Variants in KIAA1217 observed in about 807,000 individuals in gnomAD.
The protein encoded by KIAA1217 is sickle tail protein homolog.
Under a neutral mutation model 163.9 loss-of-function variants are expected in KIAA1217, and 88 were observed. That is an observed-to-expected ratio of 0.54 (90% CI 0.45 to 0.64). The LOEUF (loss-of-function observed/expected upper bound fraction) is 0.64, where lower values mean the gene tolerates loss of function less well. KIAA1217 is among the 30% of genes least tolerant of loss of function. The pLI, the probability that KIAA1217 is intolerant of heterozygous loss-of-function variation, is 0.00. For synonymous variants in KIAA1217, 903 were observed against 923.1 expected (o/e 0.98, Z 0.39); for missense variants, 2,372 against 2,475.0 (o/e 0.96, Z 0.88).
At chr10:24,511,542 G>A (rs558828238) in intron 9 of KIAA1217, among the ~76,000 whole-genome samples, 87 of 152,060 alleles carry the variant, frequency 5.7e-4, no homozygotes, top group Admixed American at 1.3e-3. Context: ...AGCTACTTGG[G>A]AGGCTGAGGC....
At chr10:24,112,068 T>C (rs964741640) in intron 2 of KIAA1217, among the ~76,000 whole-genome samples, 2 of 152,182 alleles carry the variant, frequency 1.3e-5, no homozygotes, top group African/African-American at 2.4e-5. Flanking sequence ...CCCAAAGTAC[T>C]GAGATTAGAG....
rs16924778 is a variant in KIAA1217 at position 24,444,954 on chromosome 10, T to C, written c.846+6475T>C. Among the ~76,000 whole-genome samples, 1,260 of 152,322 alleles carry C rather than the reference T, an allele frequency of 8.3e-3. 22 individuals carry two copies. Among genetic ancestry groups the C allele is most frequent in the South Asian group, 0.051 (247 of 4,826 alleles). ...TGCACATTCTACTTTGACTTCTTTT[T>C]TCTGTAAAACTGTAAAAATGTATAG... On this transcript the variant is annotated intron_variant, in intron 5 of 20. Transcript: ENST00000376454.
chr10:23,873,968 C>T (rs970114256), intron 1 of KIAA1217, among the ~76,000 whole-genome samples: 1 of 152,052 alleles, frequency 6.6e-6, no homozygotes, highest in Non-Finnish European at 1.5e-5. Flanking sequence ...ATGCCAAGCA[C>T]ATGGTAAGAA....
intron 3 of KIAA1217, among the ~76,000 whole-genome samples, chr10:24,416,592 C>T (rs1333307128): frequency 1.3e-5 from 2 of 152,172 alleles, no homozygotes; most frequent in South Asian, 2.1e-4. Flanking sequence ...GTGTTCTATC[C>T]TCATACTTTG....
chr10:24,415,105 T>G (rs1014781297), intron 3 of KIAA1217, among the ~76,000 whole-genome samples: 1 of 137,614 alleles, frequency 7.3e-6, no homozygotes, highest in East Asian at 2.1e-4. Context: ...TAGCCTGATC[T>G]CTCTCTTTTT....
chr10:24,484,707 G>A (rs575925192), intron 6 of KIAA1217, among the ~76,000 whole-genome samples: 2 of 152,230 alleles, frequency 1.3e-5, no homozygotes, highest in African/African-American at 2.4e-5. Context: ...GATTACAAGT[G>A]TGAGCCACTG....
intron 2 of KIAA1217, among the ~76,000 whole-genome samples, chr10:24,260,395 C>A (rs2075598322): frequency 6.6e-6 from 1 of 151,990 alleles, no homozygotes; most frequent in African/African-American, 2.4e-5. Context: ...ATCAATTGTG[C>A]CATAATCGAC....
At chr10:23,811,100 C>CTA (rs36116405) in intron 1 of KIAA1217, among the ~76,000 whole-genome samples, 38,333 of 131,796 alleles carry the variant, frequency 0.29, 6,528 homozygotes, top group African/African-American at 0.47. Flanking sequence ...ATTATATATA[C>CTA]TATATATTAT....
chr10:23,804,225 T>C (rs1836629329), intron 1 of KIAA1217, among the ~76,000 whole-genome samples: 1 of 152,206 alleles, frequency 6.6e-6, no homozygotes, highest in East Asian at 1.9e-4. Context: ...ACTATTCAAA[T>C]ATGACTTAAA....
chr10:24,250,208 C>G (rs968675832), intron 2 of KIAA1217, among the ~76,000 whole-genome samples: 4 of 152,074 alleles, frequency 2.6e-5, no homozygotes, highest in African/African-American at 9.7e-5. Context: ...AGAAGAAAGC[C>G]GCATACATAG....
chr10:24,246,891 GC>G (rs2073863941), intron 2 of KIAA1217, among the ~76,000 whole-genome samples: 2 of 151,920 alleles, frequency 1.3e-5, no homozygotes, highest in African/African-American at 4.8e-5. Flanking sequence ...GTGCGCATCT[GC>G]AATTCCAGCT....
chr10:24,160,410 A>G (rs1161482575), intron 2 of KIAA1217, among the ~76,000 whole-genome samples: 2 of 152,214 alleles, frequency 1.3e-5, no homozygotes, highest in East Asian at 1.9e-4. Context: ...GCCATGTTTT[A>G]TACTCTCGGT....
At chr10:23,811,929 T>C (rs1714377868) in intron 1 of KIAA1217, among the ~76,000 whole-genome samples, 1 of 152,012 alleles carries the variant, frequency 6.6e-6, no homozygotes, top group Non-Finnish European at 1.5e-5. Context: ...AAATATTATT[T>C]AACACTTAAG....
At chr10:23,729,323 A>G (rs1010124762) in intron 1 of KIAA1217, among the ~76,000 whole-genome samples, 3 of 152,184 alleles carry the variant, frequency 2.0e-5, no homozygotes, top group African/African-American at 7.2e-5. Context: ...AAGGGGCATG[A>G]TTGCTGGATC....
intron 2 of KIAA1217, among the ~76,000 whole-genome samples, chr10:24,036,523 T>C (rs1460600971): frequency 1.3e-5 from 2 of 152,200 alleles, no homozygotes; most frequent in Non-Finnish European, 2.9e-5. Flanking sequence ...GGGTAATTTA[T>C]AAAGAAAAGA....
intron 1 of KIAA1217, among the ~76,000 whole-genome samples, chr10:23,703,076 G>T (rs1836589290): frequency 6.6e-6 from 1 of 152,018 alleles, no homozygotes; most frequent in Non-Finnish European, 1.5e-5. Context: ...CCCTAGTGGC[G>T]ATTAGAACAT....
chr10:24,066,398 A>C (rs542867339), intron 2 of KIAA1217, among the ~76,000 whole-genome samples: 1 of 152,152 alleles, frequency 6.6e-6, no homozygotes, highest in Non-Finnish European at 1.5e-5. Context: ...TCCTGCACTT[A>C]TGAAGCTTAG....
In KIAA1217 at chr10:23,742,761, G is replaced by C. The variant is rs78339313; in HGVS notation, c.-321+47527G>C. On this transcript the variant is annotated intron_variant, in intron 1 of 18. Transcript: ENST00000376462. ...TTACAATTCAGCATGAGATTTGGGTGAGGACAAATATCCAAACTGTATCAG... is the reference window on the plus strand; with the variant it reads ...TTACAATTCAGCATGAGATTTGGGTCAGGACAAATATCCAAACTGTATCAG... 7.6e-3 allele frequency among the ~76,000 whole-genome samples: 1,162 copies of C among 152,314 alleles called. 16 individuals are homozygous for C. Among genetic ancestry groups the C allele is most frequent in the African/African-American group, 0.027 (1,104 of 41,566 alleles).
intron 2 of KIAA1217, among the ~76,000 whole-genome samples, chr10:24,255,948 T>G (rs2131605191): frequency 6.6e-6 from 1 of 150,910 alleles, no homozygotes; most frequent in South Asian, 2.1e-4. Context: ...TCATCTTACC[T>G]TGCCGGGCTC....
Sources: gnomAD v4.1 joint callset for allele counts (sites outside exome capture counted in the v4.1 genomes callset) on GRCh38, gnomAD v4.1.1 for gene constraint, MANE v1.5 for transcripts, NCBI Gene and HGNC (gene_info 2026-07-23, HGNC 2026-07-21) for gene names.